The following ACSS3 variants were observed in gnomAD, a reference collection of about 807,000 sequenced individuals.
The protein encoded by ACSS3 is acyl-CoA synthetase short chain family member 3.
Under a neutral mutation model 84.2 loss-of-function variants are expected in ACSS3, and 64 were observed. The ratio of observed to expected loss-of-function variants is 0.76; its 90% confidence interval spans 0.62 to 0.94. The LOEUF is 0.94. ACSS3 is among the 40% of genes least tolerant of loss of function. ACSS3 has a pLI of 0.00. For synonymous variants in ACSS3, 317 were observed against 310.1 expected, an observed-to-expected ratio of 1.02 and a Z score of -0.23; for missense variants, 815 against 867.6, an observed-to-expected ratio of 0.94 and a Z score of 0.76.
At chr12:81,197,034 A>G (rs548873726) in intron 8 of ACSS3, among the ~76,000 whole-genome samples, 47 of 152,290 alleles carry the variant, frequency 3.1e-4, no homozygotes, top group African/African-American at 1.1e-3. Context: ...TTCTGTGAAT[A>G]TCTTTATATT....
In ACSS3 at chr12:81,257,387, C is replaced by A. The variant is rs2034341058; in HGVS notation, c.*2465C>A. 6.6e-6 allele frequency: 1 copy of A among 152,078 alleles called. No homozygotes were observed. The highest frequency in any genetic ancestry group is 1.5e-5 in the Non-Finnish European group (1 of 68,000). The allele number at this position is 152,078 out of a possible 1,614,324, so 9.4% of individuals were successfully genotyped here. A position where few individuals can be genotyped will look rare whatever the true frequency, so the allele number is the denominator to read the frequency against. On this transcript the variant is annotated 3_prime_UTR_variant, in exon 16 of 16. Coordinates refer to ENST00000548058, the MANE Select transcript of ACSS3 (RefSeq NM_024560.4). ...TTCTATTTTACTACTAACCATAAAT[C>A]ACTTTTGCTAGATAGTACTTTAAAG...
chr12:81,088,348 G>T (rs1565968694), intron 1 of ACSS3, among the ~76,000 whole-genome samples: 1 of 152,068 alleles, frequency 6.6e-6, no homozygotes, highest in Non-Finnish European at 1.5e-5. Flanking sequence ...AATCCAGCCT[G>T]TCCTTACTGA....
At chr12:81,143,672 G>C in intron 5 of ACSS3, among the ~76,000 whole-genome samples, 1 of 151,986 alleles carries the variant, frequency 6.6e-6, no homozygotes, top group East Asian at 1.9e-4. Flanking sequence ...GTATAGAATT[G>C]ATTTTTTGAT....
chr12:81,079,548 TG>T (rs1252691453), intron 1 of ACSS3, among the ~76,000 whole-genome samples: 3 of 152,174 alleles, frequency 2.0e-5, no homozygotes, highest in Non-Finnish European at 2.9e-5. Context: ...CAAAAGTGTG[TG>T]GGGATGACAT....
intron 8 of ACSS3, among the ~76,000 whole-genome samples, chr12:81,181,280 A>G (rs1199448381): frequency 6.6e-6 from 1 of 152,112 alleles, no homozygotes; most frequent in Admixed American, 6.6e-5. Flanking sequence ...CATCACTAAC[A>G]CTGATCTCAC....
chr12:81,146,834 C>A (rs575486340), intron 5 of ACSS3, among the ~76,000 whole-genome samples: 75 of 151,962 alleles, frequency 4.9e-4, no homozygotes, highest in African/African-American at 1.7e-3. Context: ...TTATCTTGTT[C>A]AGTTTGATAT....
chr12:81,245,306 CA>C lies in ACSS3; in HGVS notation c.1720-7995del, dbSNP rs564755786. The stretch of plus-strand genomic sequence containing the variant: ...GAAACCCCGTCTCTACTAAAAAATA[CA>C]AAAAATTAGCCAGGCGTGGTGGTGG... On this transcript the variant is annotated intron_variant, in intron 13 of 15. Transcript: ENST00000548058. Among the ~76,000 whole-genome samples the C allele has an allele frequency of 1.5e-3, 231 of 152,160 alleles. 1 individual carries two copies. Among genetic ancestry groups the C allele is most frequent in the African/African-American group, 5.2e-3 (215 of 41,538 alleles).
chr12:81,190,404 C>T lies in ACSS3; in HGVS notation c.1251-8937C>T, dbSNP rs140178199. 2.7e-3 allele frequency among the ~76,000 whole-genome samples: 417 copies of T among 152,058 alleles called. 4 individuals are homozygous for T. The highest frequency in any genetic ancestry group is 9.7e-3 in the African/African-American group (403 of 41,534). On this transcript the variant is annotated intron_variant, in intron 8 of 15. Transcript: ENST00000548058. ...ATGCTATGGTCAATGGTATTGTTTACATTTGCATTGTTTGGTCCTGATATA... is the reference window on the plus strand; with the variant it reads ...ATGCTATGGTCAATGGTATTGTTTATATTTGCATTGTTTGGTCCTGATATA...
At position 81,144,073 on chromosome 12, in the gene ACSS3, T is replaced by C. The variant is rs201848817; in HGVS notation, c.921+826T>C. ...TCCTTGAGGACAGTGGCTTCTTTAT[T>C]ACTGTTAGATTGCTATAGCATCAGT... On this transcript the variant is annotated intron_variant, in intron 5 of 15. Coordinates refer to ENST00000548058, the MANE Select transcript of ACSS3 (RefSeq NM_024560.4). Among the ~76,000 whole-genome samples, 25 of 152,328 alleles carry C rather than the reference T, an allele frequency of 1.6e-4. No homozygotes were observed. In the East Asian group the frequency reaches 4.6e-3, roughly 28 times the overall value.
At chr12:81,232,022 G>A (rs1438266635) in intron 12 of ACSS3, among the ~76,000 whole-genome samples, 2 of 151,662 alleles carry the variant, frequency 1.3e-5, no homozygotes, top group Non-Finnish European at 2.9e-5. Flanking sequence ...CCTAATCAAC[G>A]AAATGAAAAT....
chr12:81,246,095 GGCT>G (rs1320019408), intron 13 of ACSS3, among the ~76,000 whole-genome samples: 2 of 152,156 alleles, frequency 1.3e-5, no homozygotes, highest in Non-Finnish European at 2.9e-5. Flanking sequence ...GGAGCAGCAT[GGCT>G]GCTGCTGCAG....
chr12:81,133,613 A>C (rs187482913), intron 2 of ACSS3, among the ~76,000 whole-genome samples: 1 of 152,000 alleles, frequency 6.6e-6, no homozygotes, highest in Admixed American at 6.6e-5. Flanking sequence ...TTTCTTAGTG[A>C]GCTCCCGGTG....
At chr12:81,098,675 T>C (rs553081967) in intron 1 of ACSS3, among the ~76,000 whole-genome samples, 1 of 152,330 alleles carries the variant, frequency 6.6e-6, no homozygotes, top group East Asian at 1.9e-4. Flanking sequence ...AAAGAAAGTC[T>C]TAAACATGTT....
intron 7 of ACSS3, among the ~76,000 whole-genome samples, chr12:81,173,175 TAGAA>T (rs1593158214): frequency 6.6e-6 from 1 of 152,210 alleles, no homozygotes; most frequent in Non-Finnish European, 1.5e-5. Flanking sequence ...CCTTGTTTGT[TAGAA>T]AGAATAAAGT....
intron 12 of ACSS3, 23 bp downstream of exon 12, chr12:81,231,161 T>A (rs199627963): frequency 2.0e-6 from 3 of 1,529,942 alleles, no homozygotes; most frequent in African/African-American, 2.8e-5. Context: ...ATATGCTTTT[T>A]TATCTTCTTA....
intron 1 of ACSS3, among the ~76,000 whole-genome samples, chr12:81,098,237 C>T (rs1199034525): frequency 1.3e-5 from 2 of 151,634 alleles, no homozygotes; most frequent in Admixed American, 6.6e-5. Context: ...TGCCCTGTCC[C>T]CTGAGTTGCT....
intron 9 of ACSS3, among the ~76,000 whole-genome samples, chr12:81,205,566 C>T (rs1410041717): frequency 6.6e-6 from 1 of 152,018 alleles, no homozygotes; most frequent in African/African-American, 2.4e-5. Context: ...TGTCTCATTC[C>T]TCCTAAGTAA....
intron 11 of ACSS3, among the ~76,000 whole-genome samples, chr12:81,225,107 C>T (rs577467379): frequency 1.3e-5 from 2 of 151,744 alleles, no homozygotes; most frequent in Admixed American, 1.3e-4. Context: ...TTCTCAGGCA[C>T]CCACTGAGAG....
At position 81,132,541 on chromosome 12, in the gene ACSS3, A is replaced by G. The variant is rs367599479; in HGVS notation, c.457-2275A>G. 4.6e-5 allele frequency among the ~76,000 whole-genome samples: 7 copies of G among 152,040 alleles called. 1 individual carries two copies. The highest frequency in any genetic ancestry group is 1.7e-4 in the African/African-American group (7 of 41,450). ...TCTTTTCTTCTTTATTAGTCTTGCT[A>G]GCAGTCTATCTATTTTGTTGATCTT... On this transcript the variant is annotated intron_variant, in intron 2 of 15. Transcript: ENST00000548058.
Sources: gnomAD v4.1 joint callset for allele counts (sites outside exome capture counted in the v4.1 genomes callset) on GRCh38, gnomAD v4.1.1 for gene constraint, MANE v1.5 for transcripts, NCBI Gene and HGNC (gene_info 2026-07-23, HGNC 2026-07-21) for gene names.